The following ADAM10 variants were observed in gnomAD, a reference collection of about 807,000 sequenced individuals.
ADAM10 encodes ADAM metallopeptidase domain 10.
ADAM10 carries 17 observed loss-of-function variants against 90.1 expected under a neutral mutation model. The observed-to-expected ratio is 0.19, with a 90% CI of 0.13 to 0.28. ADAM10 has a LOEUF of 0.28. Among genes scored for constraint, ADAM10 ranks in the 10% least tolerant of loss-of-function variants. The pLI is 1.00. For synonymous variants in ADAM10, 310 were observed against 298.6 expected (o/e 1.04, Z -0.40); for missense variants, 610 against 914.3 (o/e 0.67, Z 4.29).
chr15:58,640,901 A>G lies in ADAM10; in HGVS notation c.888T>C (p.Gly296=). 6.2e-7 allele frequency: 1 copy of G among 1,614,130 alleles called. No homozygotes were observed. The highest frequency in any genetic ancestry group is 8.5e-7 in the Non-Finnish European group (1 of 1,179,992). The change falls in exon 8 of 16, where the codon GGT becomes GGC. Residue 296 remains glycine, a synonymous_variant. Transcript: ENST00000260408. ...PTNPFRFPNI[G]VEKFLELNSE... is the part of the protein sequence containing the mutation. Reference sequence around the variant, plus strand: ...AATTCAATTCCAGAAACTTCTCCACACCAATATTTGGGAAACGGAAAGGAT... The same window carrying G: ...AATTCAATTCCAGAAACTTCTCCACGCCAATATTTGGGAAACGGAAAGGAT...
At chr15:58,615,058 A>C (rs376907215) in intron 11 of ADAM10, among the ~76,000 whole-genome samples, 2 of 152,220 alleles carry the variant, frequency 1.3e-5, no homozygotes, top group South Asian at 4.1e-4. Context: ...GCAGATCACG[A>C]GGTCAGGAGA....
chr15:58,630,743 G>T (rs1042086612), intron 9 of ADAM10, among the ~76,000 whole-genome samples: 1 of 152,138 alleles, frequency 6.6e-6, no homozygotes, highest in African/African-American at 2.4e-5. Context: ...ACGTATAAGA[G>T]AGAAAGAGAT....
chr15:58,598,870 T>C (rs1895031267), intron 15 of ADAM10, among the ~76,000 whole-genome samples: 1 of 152,036 alleles, frequency 6.6e-6, no homozygotes, highest in African/African-American at 2.4e-5. Flanking sequence ...AACTAAAGAG[T>C]TGTTTTCAGG....
chr15:58,740,351 G>A (rs1899566703), intron 1 of ADAM10, among the ~76,000 whole-genome samples: 1 of 151,882 alleles, frequency 6.6e-6, no homozygotes, highest in Non-Finnish European at 1.5e-5. Flanking sequence ...AGGGGCTGCA[G>A]TGAGCCAAGA....
intron 2 of ADAM10, 95 bp downstream of exon 2, chr15:58,717,482 G>A (rs1595651653): frequency 6.7e-7 from 1 of 1,487,878 alleles, no homozygotes; most frequent in East Asian, 2.3e-5. Flanking sequence ...TGAAGACCTT[G>A]CATTAGAGAA....
intron 2 of ADAM10, among the ~76,000 whole-genome samples, chr15:58,685,232 C>A (rs1013128018): frequency 6.7e-6 from 1 of 149,036 alleles, no homozygotes; most frequent in Non-Finnish European, 1.5e-5. Context: ...GAGGCCGACG[C>A]AGGCAGATCA....
intron 4 of ADAM10, among the ~76,000 whole-genome samples, chr15:58,666,081 A>G (rs538807015): frequency 2.6e-5 from 4 of 151,644 alleles, no homozygotes; most frequent in Non-Finnish European, 5.9e-5. Flanking sequence ...TCTTTTCAGC[A>G]CATTCCCTCT....
chr15:58,662,110 G>A (rs548495813), intron 5 of ADAM10, among the ~76,000 whole-genome samples: 2 of 152,212 alleles, frequency 1.3e-5, no homozygotes, highest in South Asian at 2.1e-4. Flanking sequence ...ATCTAGTAAT[G>A]TTCTTTGAAT....
At chr15:58,678,236 A>T (rs1439153040) in intron 4 of ADAM10, among the ~76,000 whole-genome samples, 1 of 152,218 alleles carries the variant, frequency 6.6e-6, no homozygotes, top group African/African-American at 2.4e-5. Context: ...AGAGATAACA[A>T]GCAGTTGGAC....
intron 5 of ADAM10, among the ~76,000 whole-genome samples, chr15:58,650,936 T>G (rs1219118002): frequency 6.6e-6 from 1 of 152,086 alleles, no homozygotes; most frequent in Non-Finnish European, 1.5e-5. Flanking sequence ...CACTTTAAGG[T>G]GTCTTTTATT....
intron 1 of ADAM10, 59 bp downstream of exon 1, chr15:58,749,421 G>GGCCCGGCCGCCGCTCC (rs1388808039): frequency 3.8e-4 from 560 of 1,482,488 alleles, no homozygotes; most frequent in Non-Finnish European, 4.8e-4. Flanking sequence ...GGCTCCGCTC[G>GGCCCGGCCGCCGCTCC]GCCCGGCCGC....
At chr15:58,717,493 G>A (rs1898700663) in intron 2 of ADAM10, 84 bp downstream of exon 2, 15 of 1,560,690 alleles carry the variant, frequency 9.6e-6, no homozygotes, top group Non-Finnish European at 1.3e-5. Context: ...CATTAGAGAA[G>A]GAAAATTAAG....
At chr15:58,644,122 T>C (rs1896486943) in intron 6 of ADAM10, 144 bp from the exon 7 acceptor site, 3 of 661,252 alleles carry the variant, frequency 4.5e-6, no homozygotes, top group Non-Finnish European at 7.9e-6. Flanking sequence ...GACATAAATA[T>C]AAAAAAGATT....
intron 4 of ADAM10, among the ~76,000 whole-genome samples, chr15:58,667,251 T>C (rs1897100407): frequency 1.3e-5 from 2 of 152,190 alleles, no homozygotes; most frequent in South Asian, 4.1e-4. Context: ...TGTTTTGTTG[T>C]TCAAGACACA....
intron 1 of ADAM10, among the ~76,000 whole-genome samples, chr15:58,740,633 G>A (rs1333168052): frequency 6.6e-6 from 1 of 152,014 alleles, no homozygotes; most frequent in Non-Finnish European, 1.5e-5. Flanking sequence ...TCAGACTCCT[G>A]GCCTAAACTA....
chr15:58,593,149 A>ATTTTTTT lies in ADAM10; in HGVS notation c.*4391_*4397dup, dbSNP rs766149223. On this transcript the variant is annotated 3_prime_UTR_variant, in exon 16 of 16. Transcript: ENST00000260408. The stretch of plus-strand genomic sequence containing the variant: ...AAAGTAACAAAGGCCAGGTACTCAA[A>ATTTTTTT]TTTTTTTTTTTTTTTTTTTTTTTTT... The ATTTTTTT allele has an allele frequency of 7.2e-4, 49 of 68,464 alleles. 4 individuals are homozygous for ATTTTTTT. The highest frequency in any genetic ancestry group is 1.1e-3 in the Non-Finnish European group (40 of 36,234). The allele number at this position is 68,464 out of a possible 1,614,324, so 4.2% of individuals were successfully genotyped here.
intron 4 of ADAM10, among the ~76,000 whole-genome samples, chr15:58,670,731 T>A (rs1408791865): frequency 6.6e-6 from 1 of 152,170 alleles, no homozygotes; most frequent in African/African-American, 2.4e-5. Context: ...AATACTTAAT[T>A]TACTTAAGAA....
At chr15:58,693,042 G>C (rs1897873577) in intron 2 of ADAM10, 1 of 759,216 alleles carries the variant, frequency 1.3e-6, no homozygotes, top group South Asian at 1.3e-5. Context: ...AGCGAATCTT[G>C]TCTAAGGCAT....
intron 11 of ADAM10, among the ~76,000 whole-genome samples, chr15:58,612,805 TG>T (rs1374334395): frequency 1.3e-5 from 2 of 152,184 alleles, no homozygotes; most frequent in African/African-American, 4.8e-5. Context: ...ACTGGCCCGC[TG>T]GGCCCAAGGT....
Sources: gnomAD v4.1 joint callset for allele counts (sites outside exome capture counted in the v4.1 genomes callset) on GRCh38, gnomAD v4.1.1 for gene constraint, MANE v1.5 for transcripts, NCBI Gene and HGNC (gene_info 2026-07-23, HGNC 2026-07-21) for gene names.